RHO: variants seen among roughly 807,000 people sequenced by gnomAD.
The protein encoded by RHO is rhodopsin, also known as opsin 2, rod pigment.
Under a neutral mutation model 31.2 loss-of-function variants are expected in RHO, and 21 were observed. The observed-to-expected ratio is 0.67, with a 90% CI of 0.48 to 0.97. The LOEUF (loss-of-function observed/expected upper bound fraction) is 0.97. Ranked by LOEUF, RHO falls within the 50% of genes least tolerant of loss-of-function variation. RHO has a pLI of 0.00. For missense variants in RHO, 414 were observed against 479.5 expected, an observed-to-expected ratio of 0.86 and a Z score of 1.28; for synonymous variants, 211 against 196.6, an observed-to-expected ratio of 1.07 and a Z score of -0.61.
At position 129,532,158 on chromosome 3, in the gene RHO, A is replaced by C; in HGVS notation, c.531-93A>C. The stretch of plus-strand genomic sequence containing the variant: ...TATGATCCCCTTTTCCAGGGAGGGA[A>C]TGTGAAGCCCCAGAAAGGGCCAGCG... On this transcript the variant is annotated intron_variant, in intron 2 of 4. Coordinates refer to ENST00000296271, the MANE Select transcript of RHO (RefSeq NM_000539.3). The surrounding 1 kb of genome is among the most constrained non-coding windows in gnomAD (Gnocchi z 5.5). 2.3e-5 allele frequency: 21 copies of C among 933,230 alleles called. No individual in the cohort carries two copies. The highest frequency in any genetic ancestry group is 3.2e-5 in the Non-Finnish European group (18 of 570,068). The allele number at this position is 933,230 out of a possible 1,614,324, so 57.8% of individuals were successfully genotyped here.
In RHO at chr3:129,528,980, G is replaced by T. The variant is rs1423255875; in HGVS notation, c.247G>T (p.Asp83Tyr). Reference sequence around the variant, plus strand: ...CATCCTGCTCAACCTAGCCGTGGCTGACCTCTTCATGGTCCTAGGTGGCTT... The same window carrying T: ...CATCCTGCTCAACCTAGCCGTGGCTTACCTCTTCATGGTCCTAGGTGGCTT... ...NYILLNLAVA[D>Y]LFMVLGGFTS... is the part of the protein sequence containing the mutation. Residue 83 changes from aspartate to tyrosine, a missense_variant, in exon 1 of 5, where the codon GAC (aspartate) becomes TAC (tyrosine). Asp to Tyr is a radical substitution (Grantham distance 160, BLOSUM62 -3). Transcript: ENST00000296271. The T allele has an allele frequency of 2.5e-6, 4 of 1,614,238 alleles. No individual in the cohort carries two copies. The highest frequency in any genetic ancestry group is 3.4e-6 in the Non-Finnish European group (4 of 1,180,058).
At chr3:129,530,533 A>ACACACACACAC (rs1553781099) in intron 1 of RHO, among the ~76,000 whole-genome samples, 9 of 122,898 alleles carry the variant, frequency 7.3e-5, no homozygotes, top group East Asian at 7.3e-4. Flanking sequence ...ACACACACAC[A>ACACACACACAC]ACACACACAC....
rs1341225551 is a variant in RHO at position 129,534,811 on chromosome 3, T to C, written c.*1093T>C. ...AGCATGGAGCCTCTAGAAGCCATGC[T>C]CACCCGCCCACATTTAATTAACAGC... is the stretch of plus-strand genomic sequence containing the variant. On this transcript the variant is annotated 3_prime_UTR_variant, in exon 5 of 5. Transcript: ENST00000296271. 2 of 152,636 alleles carry C rather than the reference T, an allele frequency of 1.3e-5. No homozygotes were observed. Among genetic ancestry groups the C allele is most frequent in the Non-Finnish European group, 2.9e-5 (2 of 68,034 alleles). 9.5% of individuals were successfully genotyped at this position (152,636 alleles called of 1,614,324 possible).
Position 129,529,083 on chromosome 3 carries a change from C to T in RHO, c.350C>T (p.Ala117Val). ...GGATGCAATTTGGAGGGCTTCTTTG[C>T]CACCCTGGGCGGTATGAGCCGGGTG... ...PTGCNLEGFF[A>V]TLGGEIALWS... Residue 117 changes from alanine (A) to valine (V), a missense_variant, in exon 1 of 5, where the codon GCC (alanine) becomes GTC (valine). By Grantham distance (64) the Ala-to-Val change is moderately conservative (BLOSUM62 0). Coordinates refer to ENST00000296271, the MANE Select transcript of RHO (RefSeq NM_000539.3). The T allele has an allele frequency of 6.2e-7, 1 of 1,612,404 alleles. No homozygotes were observed. The highest frequency in any genetic ancestry group is 8.5e-7 in the Non-Finnish European group (1 of 1,178,948).
At position 129,530,918 on chromosome 3, in the gene RHO, G is replaced by A. The variant is rs104893774; in HGVS notation, c.404G>A (p.Arg135Gln). Reference protein sequence around the residue: ...LWSLVVLAIERYVVVCKPMSN... With the variant: ...LWSLVVLAIEQYVVVCKPMSN... The stretch of plus-strand genomic sequence containing the variant: ...TCCTTGGTGGTCCTGGCCATCGAGC[G>A]GTACGTGGTGGTGTGTAAGCCCATG... The change falls in exon 2 of 5, where the codon CGG becomes CAG. Residue 135 changes from arginine (R) to glutamine (Q), a missense_variant. By Grantham distance (43) the Arg-to-Gln change is conservative. Transcript: ENST00000296271. 6.8e-6 allele frequency: 11 copies of A among 1,614,118 alleles called. No individual in the cohort carries two copies. Among genetic ancestry groups the A allele is most frequent in the South Asian group, 3.3e-5 (3 of 91,090 alleles).
chr3:129,529,583 T>TCCATTCTCCAGTCATTGGGTCTTC, intron 1 of RHO, among the ~76,000 whole-genome samples: 1 of 152,256 alleles, frequency 6.6e-6, no homozygotes, highest in East Asian at 1.9e-4. Context: ...AAGTGGATTT[T>TCCATTCTCCAGTCATTGGGTCTTC]CCATTCTCCA....
In RHO at chr3:129,534,143, A is replaced by G. The variant is rs188052820; in HGVS notation, c.*425A>G. 8.1e-5 allele frequency: 15 copies of G among 184,640 alleles called. No individual in the cohort carries two copies. The allele number at this position is 184,640 out of a possible 1,614,324, so 11.4% of individuals were successfully genotyped here. Reference sequence around the variant, plus strand: ...ATGAATGGGAAGGGAGAACATATCTATCCTCTCAGACCCTCGCAGCAGCAG... The same window carrying G: ...ATGAATGGGAAGGGAGAACATATCTGTCCTCTCAGACCCTCGCAGCAGCAG... On this transcript the variant is annotated 3_prime_UTR_variant, in exon 5 of 5. Coordinates refer to ENST00000296271, the MANE Select transcript of RHO (RefSeq NM_000539.3).
chr3:129,533,493 G>A lies in RHO; in HGVS notation c.937-115G>A, dbSNP rs538581410. 3.7e-4 allele frequency: 305 copies of A among 822,192 alleles called. 1 individual carries two copies. The African/African-American group carries it at 4.3e-3, about 12-fold the overall frequency. The allele number at this position is 822,192 out of a possible 1,614,324, so 50.9% of individuals were successfully genotyped here. On this transcript the variant is annotated intron_variant, in intron 4 of 4. Coordinates refer to ENST00000296271, the MANE Select transcript of RHO (RefSeq NM_000539.3). ...GAAGCTGGATTTGAGTGGATGGGGC[G>A]CTGGAATCGTGAGGGGCAGAAGCAG...
At chr3:129,533,495 T>A in intron 4 of RHO, 113 bp from the exon 5 acceptor site, 1 of 838,516 alleles carries the variant, frequency 1.2e-6, no homozygotes. Context: ...GATGGGGCGC[T>A]GGAATCGTGA....
At chr3:129,529,586 A>G (rs2084762323) in intron 1 of RHO, among the ~76,000 whole-genome samples, 1 of 152,138 alleles carries the variant, frequency 6.6e-6, no homozygotes, top group African/African-American at 2.4e-5. Context: ...TGGATTTTCC[A>G]TTCTCCAGTC....
In RHO at chr3:129,532,274, G is replaced by T; in HGVS notation, c.554G>T (p.Cys185Phe). Reference protein sequence around the residue: ...WSRYIPEGLQCSCGIDYYTLK... With the variant: ...WSRYIPEGLQFSCGIDYYTLK... ...AGGTACATCCCCGAGGGCCTGCAGTGCTCGTGTGGAATCGACTACTACACG... is the reference window on the plus strand; with the variant it reads ...AGGTACATCCCCGAGGGCCTGCAGTTCTCGTGTGGAATCGACTACTACACG... Residue 185 changes from cysteine to phenylalanine, a missense_variant, in exon 3 of 5, where the codon TGC (cysteine) becomes TTC (phenylalanine). Physicochemically the swap from Cys to Phe is radical, Grantham distance 205. Coordinates refer to ENST00000296271, the MANE Select transcript of RHO (RefSeq NM_000539.3). This position sits in a 1 kb window ranked among gnomAD's most constrained non-coding sequence, Gnocchi z 5.5. 1 of 1,614,110 alleles carries T rather than the reference G, an allele frequency of 6.2e-7. No homozygotes were observed. Among genetic ancestry groups the T allele is most frequent in the Non-Finnish European group, 8.5e-7 (1 of 1,180,002 alleles).
Position 129,530,856 on chromosome 3 carries a change from G to T in RHO, c.362-20G>T. 1.9e-6 allele frequency: 3 copies of T among 1,614,198 alleles called. No individual in the cohort carries two copies. The highest frequency in any genetic ancestry group is 2.5e-6 in the Non-Finnish European group (3 of 1,180,034). On this transcript the variant is annotated intron_variant, in intron 1 of 4. Coordinates refer to ENST00000296271, the MANE Select transcript of RHO (RefSeq NM_000539.3). ...TTAGGCAGTGGGGTCTGTGCTGACC[G>T]CCTGCTGACTGCCTTGCAGGTGAAA...
In RHO at chr3:129,529,031, C is replaced by A. The variant is rs1357414784; in HGVS notation, c.298C>A (p.His100Asn). The A allele has an allele frequency of 1.2e-6, 2 of 1,613,756 alleles. No individual in the cohort carries two copies. Residue 100 changes from histidine (H) to asparagine (N), a missense_variant, in exon 1 of 5, where the codon CAT (histidine) becomes AAT (asparagine). By Grantham distance (68) the His-to-Asn change is moderately conservative. Transcript: ENST00000296271. ...CACCAGCACCCTCTACACCTCTCTG[C>A]ATGGATACTTCGTCTTCGGGCCCAC... is the stretch of plus-strand genomic sequence containing the variant. ...GFTSTLYTSL[H>N]GYFVFGPTGC...
chr3:129,532,182 C>G lies in RHO; in HGVS notation c.531-69C>G. ...AATGTGAAGCCCCAGAAAGGGCCAG[C>G]GCTCGGCAGCCACCTTGGCTGTTCC... On this transcript the variant is annotated intron_variant, in intron 2 of 4. Transcript: ENST00000296271. The surrounding 1 kb of genome is among the most constrained non-coding windows in gnomAD (Gnocchi z 5.5). The G allele has an allele frequency of 7.5e-7, 1 of 1,332,654 alleles. No homozygotes were observed. The highest frequency in any genetic ancestry group is 1.1e-6 in the Non-Finnish European group (1 of 925,412). The allele number at this position is 1,332,654 out of a possible 1,614,324, so 82.6% of individuals were successfully genotyped here. A position where few individuals can be genotyped will look rare whatever the true frequency, so the allele number is the denominator to read the frequency against.
Position 129,532,706 on chromosome 3 carries a change from C to T in RHO, c.870C>T (p.Ile290=), listed in dbSNP as rs554753426. The T allele has an allele frequency of 7.4e-6, 12 of 1,614,256 alleles. No individual in the cohort carries two copies. The highest frequency in any genetic ancestry group is 8.5e-6 in the Non-Finnish European group (10 of 1,180,052). Residue 290 remains isoleucine (I), a synonymous_variant, in exon 4 of 5, where the codon ATC becomes ATT. Transcript: ENST00000296271. This position sits in a 1 kb window ranked among gnomAD's most constrained non-coding sequence, Gnocchi z 5.5. ...ACTTCGGTCCCATCTTCATGACCAT[C>T]CCAGCGTTCTTTGCCAAGAGCGCCG... The part of the protein sequence containing the change: ...GSNFGPIFMT[I]PAFFAKSAAI...
At position 129,530,950 on chromosome 3, in the gene RHO, T is replaced by A. The variant is rs1222453447; in HGVS notation, c.436T>A (p.Phe146Ile). Residue 146 changes from phenylalanine to isoleucine, a missense_variant, in exon 2 of 5, where the codon TTC (phenylalanine) becomes ATC (isoleucine). By Grantham distance (21) the Phe-to-Ile change is conservative. Transcript: ENST00000296271. ...YVVVCKPMSN[F>I]RFGENHAIMG... ...GGTGGTGTGTAAGCCCATGAGCAAC[T>A]TCCGCTTCGGGGAGAACCATGCCAT... 3 of 1,614,268 alleles carry A rather than the reference T, an allele frequency of 1.9e-6. No homozygotes were observed. Among genetic ancestry groups the A allele is most frequent in the Admixed American group, 3.3e-5 (2 of 60,032 alleles).
At chr3:129,531,524 T>C (rs917097122) in intron 2 of RHO, among the ~76,000 whole-genome samples, 2 of 152,190 alleles carry the variant, frequency 1.3e-5, no homozygotes, top group African/African-American at 4.8e-5. Flanking sequence ...ACAATAGGAC[T>C]GGTGACTCTG....
intron 1 of RHO, 100 bp downstream of exon 1, chr3:129,529,194 T>C: frequency 1.4e-6 from 2 of 1,416,352 alleles, no homozygotes; most frequent in Non-Finnish European, 1.9e-6. Context: ...GCCTTCTCCC[T>C]TCTCCTGTCC....
In RHO at chr3:129,532,591, G is replaced by C. The variant is rs765438313; in HGVS notation, c.755G>C (p.Arg252Pro). ...CAGAAGGCAGAGAAGGAGGTCACCC[G>C]CATGGTCATCATCATGGTCATCGCT... ...TTQKAEKEVT[R>P]MVIIMVIAFL... The change falls in exon 4 of 5, where the codon CGC becomes CCC. Residue 252 changes from arginine (R) to proline (P), a missense_variant. By Grantham distance (103) the Arg-to-Pro change is moderately radical (BLOSUM62 -2). Transcript: ENST00000296271. This position sits in a 1 kb window ranked among gnomAD's most constrained non-coding sequence, Gnocchi z 5.5. The C allele has an allele frequency of 8.8e-5, 142 of 1,614,062 alleles. No individual in the cohort carries two copies. Among genetic ancestry groups the C allele is most frequent in the Non-Finnish European group, 1.1e-4 (135 of 1,180,040 alleles).
Sources: gnomAD v4.1 joint callset for allele counts (sites outside exome capture counted in the v4.1 genomes callset) on GRCh38, gnomAD v4.1.1 for gene constraint, Gnocchi (gnomAD v3.1) non-coding constraint, MANE v1.5 for transcripts, NCBI Gene and HGNC (gene_info 2026-07-23, HGNC 2026-07-21) for gene names.